The following LRRC4C variants were observed in gnomAD, a reference collection of about 807,000 sequenced individuals.
The protein encoded by LRRC4C is leucine-rich repeat-containing protein 4C.
LRRC4C carries 5 observed loss-of-function variants against 33.6 expected under a neutral mutation model. The observed-to-expected ratio is 0.15, with a 90% CI of 0.08 to 0.31. The LOEUF (loss-of-function observed/expected upper bound fraction) is 0.31, where lower values mean the gene tolerates loss of function less well. Among genes scored for constraint, LRRC4C ranks in the 10% least tolerant of loss-of-function variants. The probability of loss-of-function intolerance (pLI) is 1.00; values close to 1 mark genes in which losing one functional copy is unlikely to be tolerated. For missense variants in LRRC4C, 560 were observed against 796.7 expected, an observed-to-expected ratio of 0.70 and a Z score of 3.58; for synonymous variants, 329 against 302.0, an observed-to-expected ratio of 1.09 and a Z score of -0.93.
chr11:40,601,610 G>T (rs1408982673), intron 3 of LRRC4C, among the ~76,000 whole-genome samples: 2 of 152,160 alleles, frequency 1.3e-5, no homozygotes, highest in Non-Finnish European at 2.9e-5. Context: ...TTGCATGAAT[G>T]GCTTCATTTT....
chr11:40,433,830 C>T (rs180965228), intron 3 of LRRC4C, among the ~76,000 whole-genome samples: 120 of 152,068 alleles, frequency 7.9e-4, no homozygotes, highest in African/African-American at 2.8e-3. Context: ...AGCGAGGTGT[C>T]CTGCAAATGA....
In LRRC4C at chr11:40,115,119, T is replaced by G; in HGVS notation, c.1174A>C (p.Thr392Pro). The change falls in exon 7 of 7, where the codon ACA (threonine) becomes CCA (proline). Residue 392 changes from threonine (T) to proline (P), a missense_variant. By Grantham distance (38) the Thr-to-Pro change is conservative (BLOSUM62 -1). This residue lies in a region of LRRC4C where 455 missense variants were observed against 643.8 expected (regional missense o/e 0.71). Transcript: ENST00000528697. The surrounding 1 kb of genome is among the most constrained non-coding windows in gnomAD (Gnocchi z 6.7). Reference sequence around the variant, plus strand: ...TTGTACGCCCCATGTGTCATGACTGTTCCATTTGGAGTAATCCAAGATACA... The same window carrying G: ...TTGTACGCCCCATGTGTCATGACTGGTCCATTTGGAGTAATCCAAGATACA... ...TSVSWITPNG[T>P]VMTHGAYKVR... 1.2e-6 allele frequency: 2 copies of G among 1,614,248 alleles called. No homozygotes were observed. The highest frequency in any genetic ancestry group is 1.7e-6 in the Non-Finnish European group (2 of 1,180,034).
At chr11:40,422,850 G>A (rs1188839346) in intron 3 of LRRC4C, among the ~76,000 whole-genome samples, 1 of 152,136 alleles carries the variant, frequency 6.6e-6, no homozygotes, top group East Asian at 1.9e-4. Context: ...TGAGCTACTT[G>A]CACTGGCTCA....
intron 3 of LRRC4C, among the ~76,000 whole-genome samples, chr11:40,450,775 T>TAAA (rs768633791): frequency 1.5e-5 from 2 of 129,126 alleles, no homozygotes; most frequent in African/African-American, 5.7e-5. Context: ...CCCTGAAAAT[T>TAAA]AAAAAAAAAA....
At chr11:40,483,393 C>T (rs750207109) in intron 3 of LRRC4C, among the ~76,000 whole-genome samples, 6 of 151,942 alleles carry the variant, frequency 3.9e-5, no homozygotes, top group Non-Finnish European at 5.9e-5. Context: ...GGTGTAGTGA[C>T]CAAAAATAAT....
chr11:41,107,999 G>A (rs1190212748), intron 1 of LRRC4C, among the ~76,000 whole-genome samples: 1 of 130,014 alleles, frequency 7.7e-6, no homozygotes. Context: ...GGAGAGGGGA[G>A]AGTAGAGAGG....
chr11:40,728,672 G>A (rs1947410304), intron 2 of LRRC4C, among the ~76,000 whole-genome samples: 1 of 148,186 alleles, frequency 6.7e-6, no homozygotes, highest in Non-Finnish European at 1.5e-5. Flanking sequence ...AAAGACATAT[G>A]TATTTGTATG....
At chr11:41,415,089 C>A (rs1307408717) in intron 1 of LRRC4C, among the ~76,000 whole-genome samples, 1 of 152,100 alleles carries the variant, frequency 6.6e-6, no homozygotes, top group East Asian at 1.9e-4. Flanking sequence ...ACTCTCTAGC[C>A]TTGTTTTCAA....
In LRRC4C at chr11:40,179,614, C is replaced by T. The variant is rs1275633919; in HGVS notation, c.-95-38761G>A. Among the ~76,000 whole-genome samples, 5 of 152,242 alleles carry T rather than the reference C, an allele frequency of 3.3e-5. No homozygotes were observed. The East Asian group carries it at 7.7e-4, about 24-fold the overall frequency. On this transcript the variant is annotated intron_variant, in intron 5 of 6. Coordinates refer to ENST00000528697, the MANE Select transcript of LRRC4C (RefSeq NM_001258419.2). Reference sequence around the variant, plus strand: ...TCTTCTCCCCGGAGACTGAGTGCTTCTCAAGGGCAGGGCCATAGGCACAGA... The same window carrying T: ...TCTTCTCCCCGGAGACTGAGTGCTTTTCAAGGGCAGGGCCATAGGCACAGA...
At position 41,391,936 on chromosome 11, in the gene LRRC4C, C is replaced by A. The variant is rs142628131; in HGVS notation, c.-496+67495G>T. ...TTTTATTTTATTATCATAGGAGAAG[C>A]AGGCATCACTGCTATTTAAAAGCAA... is the stretch of plus-strand genomic sequence containing the variant. On this transcript the variant is annotated intron_variant, in intron 1 of 6. Transcript: ENST00000528697. 2.4e-3 allele frequency among the ~76,000 whole-genome samples: 370 copies of A among 151,968 alleles called. 3 individuals carry two copies. Among genetic ancestry groups the A allele is most frequent in the African/African-American group, 8.7e-3 (361 of 41,504 alleles).
In LRRC4C at chr11:40,509,477, G is replaced by T. The variant is rs535905265; in HGVS notation, c.-270+138665C>A. Among the ~76,000 whole-genome samples, 6 of 151,752 alleles carry T rather than the reference G, an allele frequency of 4.0e-5. No individual in the cohort carries two copies. The South Asian group carries it at 1.2e-3, about 32-fold the overall frequency. ...AGCCCTTAAGATTTTACTGTATGCT[G>T]GTTTTTAAAATTTTTTTAATTTTTA... On this transcript the variant is annotated intron_variant, in intron 3 of 6. Coordinates refer to ENST00000528697, the MANE Select transcript of LRRC4C (RefSeq NM_001258419.2).
rs562073986 is a variant in LRRC4C at position 40,345,724 on chromosome 11, C to T, written c.-269-26003G>A. ...GGGACCTAGTTAAATGAAAGAGATA[C>T]TTCATAGCAAAAGAAACTATCAAAA... is the stretch of plus-strand genomic sequence containing the variant. On this transcript the variant is annotated intron_variant, in intron 3 of 6. Transcript: ENST00000528697. 2.6e-5 allele frequency among the ~76,000 whole-genome samples: 4 copies of T among 152,220 alleles called. No homozygotes were observed. The South Asian group carries it at 8.3e-4, about 32-fold the overall frequency.
chr11:40,689,466 T>C (rs1591471467), intron 2 of LRRC4C, among the ~76,000 whole-genome samples: 1 of 152,222 alleles, frequency 6.6e-6, no homozygotes, highest in Admixed American at 6.6e-5. Context: ...TGAGTTCTTA[T>C]ATTTATCATT....
intron 1 of LRRC4C, among the ~76,000 whole-genome samples, chr11:40,952,549 A>G (rs16935183): frequency 0.064 from 9,705 of 152,008 alleles, 434 homozygotes; most frequent in South Asian, 0.18. Flanking sequence ...CAAATGTAAT[A>G]TATTTCAGCA....
At chr11:41,442,472 T>TC (rs1955659721) in intron 1 of LRRC4C, among the ~76,000 whole-genome samples, 1 of 38,994 alleles carries the variant, frequency 2.6e-5, no homozygotes, top group African/African-American at 1.0e-4. Context: ...TTTTTTTTTT[T>TC]TTTTTTTTTT....
At chr11:40,148,120 T>C (rs1479283031) in intron 5 of LRRC4C, among the ~76,000 whole-genome samples, 1 of 152,206 alleles carries the variant, frequency 6.6e-6, no homozygotes, top group African/African-American at 2.4e-5. Context: ...CAATCTACCA[T>C]TGATAGGCAT....
At chr11:40,569,961 T>C (rs746142923) in intron 3 of LRRC4C, among the ~76,000 whole-genome samples, 77 of 152,024 alleles carry the variant, frequency 5.1e-4, no homozygotes, top group Non-Finnish European at 9.6e-4. Flanking sequence ...GTTTGCTCCA[T>C]GGAGTTTGTA....
intron 1 of LRRC4C, among the ~76,000 whole-genome samples, chr11:40,942,045 C>A (rs2136602207): frequency 6.6e-6 from 1 of 152,224 alleles, no homozygotes; most frequent in South Asian, 2.1e-4. Context: ...AGATTTCAGA[C>A]TACGGTGAAT....
chr11:40,924,048 G>A (rs540428575), intron 2 of LRRC4C, among the ~76,000 whole-genome samples: 21 of 151,688 alleles, frequency 1.4e-4, no homozygotes, highest in African/African-American at 5.1e-4. Flanking sequence ...TCAGGGACTT[G>A]TAGAGTTATA....
Sources: allele counts gnomAD v4.1 joint callset (sites outside exome capture counted in the v4.1 genomes callset), GRCh38; gene constraint gnomAD v4.1.1; regional missense constraint gnomAD v4.1.1; non-coding constraint Gnocchi (gnomAD v3.1); transcripts MANE v1.5; gene names NCBI Gene and HGNC (gene_info 2026-07-23, HGNC 2026-07-21).